The following TEX14 variants were observed in gnomAD, a reference collection of about 807,000 sequenced individuals.
TEX14 encodes testis expressed 14, intercellular bridge forming factor.
A neutral mutation model predicts 178.6 loss-of-function variants in TEX14; 168 were observed. The ratio of observed to expected loss-of-function variants is 0.94; its 90% CI spans 0.83 to 1.07. TEX14 has a LOEUF of 1.07. Among genes scored for constraint, TEX14 ranks in the 50% least tolerant of loss-of-function variants. The probability of loss-of-function intolerance (pLI) is 0.00; values close to 1 mark genes in which losing one functional copy is unlikely to be tolerated. For missense variants in TEX14, 1,730 were observed against 1,753.6 expected, an observed-to-expected ratio of 0.99 and a Z score of 0.24; for synonymous variants, 626 against 634.1, an observed-to-expected ratio of 0.99 and a Z score of 0.19.
intron 14 of TEX14, among the ~76,000 whole-genome samples, chr17:58,597,172 T>G (rs2045307014): frequency 6.6e-6 from 1 of 151,854 alleles, no homozygotes; most frequent in African/African-American, 2.4e-5. Context: ...CTGAGGCAGG[T>G]GGATCACCTA....
At chr17:58,591,050 A>G (rs944263621) in intron 15 of TEX14, among the ~76,000 whole-genome samples, 1 of 152,046 alleles carries the variant, frequency 6.6e-6, no homozygotes, top group Admixed American at 6.6e-5. Context: ...TGTTCTTTGT[A>G]CTTCTGAGGG....
chr17:58,576,242 T>C (rs988959849), intron 21 of TEX14, among the ~76,000 whole-genome samples: 4 of 152,208 alleles, frequency 2.6e-5, no homozygotes, highest in African/African-American at 9.7e-5. Context: ...TCCCAGCACT[T>C]TGGGAGGCCG....
At chr17:58,601,650 T>A (rs1184326942) in intron 13 of TEX14, among the ~76,000 whole-genome samples, 156 bp downstream of exon 13, 1 of 152,194 alleles carries the variant, frequency 6.6e-6, no homozygotes, top group Non-Finnish European at 1.5e-5. Context: ...GCTGAGAGCA[T>A]GCCACTGTAC....
chr17:58,661,107 T>C, intron 1 of TEX14: 1 of 929,324 alleles, frequency 1.1e-6, no homozygotes, highest in Non-Finnish European at 1.8e-6. Flanking sequence ...TTCTTCTGCT[T>C]GTATCGCTCT....
chr17:58,648,361 C>A (rs2046761045), intron 2 of TEX14, among the ~76,000 whole-genome samples: 1 of 152,218 alleles, frequency 6.6e-6, no homozygotes, highest in South Asian at 2.1e-4. Flanking sequence ...GGTTGGGATC[C>A]TTTCTTCCTT....
chr17:58,651,968 G>C lies in TEX14; in HGVS notation c.34C>G (p.Pro12Ala). The part of the protein sequence containing the change: ...SRAVRLPVPC[P>A]VQLGTLRNDS... ...TTTCTTAAGGTACCAAGTTGAACAG[G>C]ACAGGGGACTGGAAGACGAACAGCC... The change falls in exon 2 of 32, where the codon CCT becomes GCT. Residue 12 changes from proline (P) to alanine (A), a missense_variant. Pro to Ala is a conservative substitution (Grantham distance 27). Coordinates refer to ENST00000349033, the MANE Select transcript of TEX14 (RefSeq NM_031272.5). 6.2e-7 allele frequency: 1 copy of C among 1,605,520 alleles called. No individual in the cohort carries two copies. The highest frequency in any genetic ancestry group is 8.5e-7 in the Non-Finnish European group (1 of 1,177,302).
Position 58,579,654 on chromosome 17 carries a change from G to A in TEX14, c.3238+11C>T, listed in dbSNP as rs376603448. On this transcript the variant is annotated intron_variant, in intron 20 of 31. Transcript: ENST00000349033. ...GTGATTCTCAAGGAATCTTCCCTAA[G>A]GGCTTATTACCAGAGACTTGAGGTT... The A allele has an allele frequency of 9.9e-6, 16 of 1,609,872 alleles. No individual in the cohort carries two copies. The highest frequency in any genetic ancestry group is 2.7e-5 in the African/African-American group (2 of 74,804).
At position 58,579,741 on chromosome 17, in the gene TEX14, A is replaced by G; in HGVS notation, c.3172-10T>C. The G allele has an allele frequency of 6.2e-7, 1 of 1,611,664 alleles. No homozygotes were observed. ...CTATGGGACTCGAGGTCTAAAAAAG[A>G]ACAAAAGAAAAGCAAAGAAAGGAGG... On this transcript the variant is annotated splice_polypyrimidine_tract_variant and intron_variant, in intron 19 of 31. Transcript: ENST00000349033.
rs1567729185 is a variant in TEX14, at chr17:58,602,514, A to G, written c.1413T>C (p.Asp471=). The change falls in exon 12 of 32, where the codon GAT becomes GAC. Residue 471 remains aspartate, a synonymous_variant. Transcript: ENST00000349033. ...AVVSGNYLEA[D]VRLPKPYYDI... is the part of the protein sequence containing the mutation. ...CATAGTAAGGTTTCGGAAGCCTGACATCAGCTTCTAAATAATTCCCCGAGA... is the reference window on the plus strand; with the variant it reads ...CATAGTAAGGTTTCGGAAGCCTGACGTCAGCTTCTAAATAATTCCCCGAGA... The G allele has an allele frequency of 6.2e-7, 1 of 1,614,092 alleles. No individual in the cohort carries two copies. The highest frequency in any genetic ancestry group is 8.5e-7 in the Non-Finnish European group (1 of 1,180,022).
At chr17:58,670,922 CACAATGTATAAT>C (rs1302070329) in intron 1 of TEX14, among the ~76,000 whole-genome samples, 2 of 151,814 alleles carry the variant, frequency 1.3e-5, no homozygotes, top group East Asian at 3.9e-4. Flanking sequence ...GTAGCCATTC[CACAATGTATAAT>C]ACTTCAAAAC....
intron 1 of TEX14, among the ~76,000 whole-genome samples, chr17:58,689,847 ATT>A (rs200475844): frequency 0.15 from 20,571 of 141,120 alleles, 2,101 homozygotes; most frequent in East Asian, 0.31. Context: ...GGGCCAGAAG[ATT>A]TTTTTTTTTT....
chr17:58,682,654 G>T (rs549133948), intron 1 of TEX14, among the ~76,000 whole-genome samples: 1 of 151,232 alleles, frequency 6.6e-6, no homozygotes, highest in Non-Finnish European at 1.5e-5. Flanking sequence ...GATTATAGGC[G>T]TGAGCCACCA....
intron 1 of TEX14, among the ~76,000 whole-genome samples, chr17:58,653,299 T>C (rs2046878325): frequency 6.6e-6 from 1 of 152,172 alleles, no homozygotes; most frequent in South Asian, 2.1e-4. Flanking sequence ...CCAAACAAGT[T>C]CACTGTAGTT....
At chr17:58,679,562 A>G (rs2047461028) in intron 1 of TEX14, 1 of 152,258 alleles carries the variant, frequency 6.6e-6, no homozygotes, top group African/African-American at 2.4e-5. Flanking sequence ...ACTACCACAA[A>G]TTATGCAATT....
At chr17:58,666,224 T>C (rs762433152) in intron 1 of TEX14, among the ~76,000 whole-genome samples, 8 of 151,598 alleles carry the variant, frequency 5.3e-5, no homozygotes, top group Non-Finnish European at 1.0e-4. Flanking sequence ...ATGCCTGTAA[T>C]GTAATCCCAG....
chr17:58,661,815 C>G, intron 1 of TEX14: 1 of 486,606 alleles, frequency 2.1e-6, no homozygotes, highest in Non-Finnish European at 3.6e-6. Context: ...AACTTTGTCT[C>G]TCTGTTTCCG....
At chr17:58,676,946 G>A (rs997583434) in intron 1 of TEX14, among the ~76,000 whole-genome samples, 29 of 151,996 alleles carry the variant, frequency 1.9e-4, no homozygotes, top group African/African-American at 4.6e-4. Context: ...GCGAAACCCC[G>A]TCTCTACTAA....
In TEX14 at chr17:58,622,909, C is replaced by T. The variant is rs145427452; in HGVS notation, c.355G>A (p.Asp119Asn). 2.3e-4 allele frequency: 367 copies of T among 1,613,428 alleles called. 1 individual carries two copies. In the African/African-American group the frequency reaches 3.8e-3, roughly 17 times the overall value. ...LDAGGDLRLH[D>N]ERGQNPKTWA... The stretch of plus-strand genomic sequence containing the variant: ...GTCTTCGGGTTTTGACCCCTCTCAT[C>T]GTGGAGTCGCAGGTCACCTCCTGCA... Residue 119 changes from aspartate to asparagine, a missense_variant, in exon 4 of 32, where the codon GAT becomes AAT. Asp to Asn is a conservative substitution (Grantham distance 23). Transcript: ENST00000349033.
chr17:58,584,431 T>C, intron 19 of TEX14, 69 bp downstream of exon 19: 1 of 1,169,966 alleles, frequency 8.5e-7, no homozygotes, highest in Non-Finnish European at 1.3e-6. Context: ...TCATAACACA[T>C]AACAATAACT....
Sources: allele counts gnomAD v4.1 joint callset (sites outside exome capture counted in the v4.1 genomes callset), GRCh38; gene constraint gnomAD v4.1.1; transcripts MANE v1.5; gene names NCBI Gene and HGNC (gene_info 2026-07-23, HGNC 2026-07-21).